OSBPL10: variants seen among roughly 807,000 people sequenced by gnomAD.
OSBPL10 encodes oxysterol binding protein like 10, also known as oxysterol-binding protein-related protein 10.
In OSBPL10, 49 loss-of-function variants were observed where a neutral mutation model predicts 81.7. The observed-to-expected ratio is 0.60, with a 90% CI of 0.48 to 0.76. The LOEUF (loss-of-function observed/expected upper bound fraction) is 0.76. OSBPL10 is among the 30% of genes least tolerant of loss of function. The pLI, the probability that OSBPL10 is intolerant of heterozygous loss-of-function variation, is 0.00. For missense variants in OSBPL10, 923 were observed against 987.8 expected (o/e 0.93, Z 0.88); for synonymous variants, 419 against 383.6 (o/e 1.09, Z -1.08).
intron 3 of OSBPL10, among the ~76,000 whole-genome samples, chr3:31,866,019 C>T (rs1701169697): frequency 6.6e-6 from 1 of 152,106 alleles, no homozygotes; most frequent in African/African-American, 2.4e-5. Flanking sequence ...TCTTGCTTCC[C>T]GTTGTGTTGC....
intron 3 of OSBPL10, among the ~76,000 whole-genome samples, chr3:31,860,245 C>T (rs1351951986): frequency 1.3e-5 from 2 of 152,190 alleles, no homozygotes; most frequent in Admixed American, 1.3e-4. Context: ...GCACAGTCAC[C>T]AGTCACCAGA....
chr3:31,891,374 T>C (rs1322899894), intron 1 of OSBPL10, among the ~76,000 whole-genome samples: 2 of 152,290 alleles, frequency 1.3e-5, no homozygotes, highest in East Asian at 3.9e-4. Flanking sequence ...ATGCTGCTGG[T>C]AGGACCACAC....
At chr3:31,664,988 C>A (rs980694168) in intron 10 of OSBPL10, among the ~76,000 whole-genome samples, 5 of 151,980 alleles carry the variant, frequency 3.3e-5, no homozygotes, top group African/African-American at 1.2e-4. Flanking sequence ...CCTGGCATGG[C>A]AGGAGGAAAC....
intron 4 of OSBPL10, among the ~76,000 whole-genome samples, chr3:31,766,351 T>G (rs1698199798): frequency 2.1e-5 from 2 of 94,088 alleles, no homozygotes; most frequent in African/African-American, 6.2e-5. Flanking sequence ...TTTTTTGTTT[T>G]TTTTTTGAGA....
At chr3:31,947,358 C>T (rs1472915885) in intron 1 of OSBPL10, among the ~76,000 whole-genome samples, 1 of 152,144 alleles carries the variant, frequency 6.6e-6, no homozygotes, top group Non-Finnish European at 1.5e-5. Context: ...ATTCCTCCAC[C>T]CAACTCAGCT....
At chr3:32,002,314 T>C (rs546034829) in intron 2 of OSBPL10, among the ~76,000 whole-genome samples, 2 of 152,146 alleles carry the variant, frequency 1.3e-5, no homozygotes, top group Non-Finnish European at 1.5e-5. Flanking sequence ...CATTGACACA[T>C]TGCAAAGAGA....
chr3:31,906,291 C>T (rs1454861953), intron 1 of OSBPL10, among the ~76,000 whole-genome samples: 10 of 152,158 alleles, frequency 6.6e-5, no homozygotes, highest in Admixed American at 4.6e-4. Flanking sequence ...CTGGGAAATC[C>T]TTTGGCCTCC....
chr3:32,013,694 C>G (rs1401551862), intron 2 of OSBPL10, among the ~76,000 whole-genome samples: 1 of 152,022 alleles, frequency 6.6e-6, no homozygotes, highest in Non-Finnish European at 1.5e-5. Context: ...TGATAGACTG[C>G]TAGCAAGACT....
intron 8 of OSBPL10, among the ~76,000 whole-genome samples, chr3:31,674,906 C>T (rs1025148983): frequency 6.6e-6 from 1 of 152,214 alleles, no homozygotes; most frequent in African/African-American, 2.4e-5. Context: ...ACGGCAGGCT[C>T]ATGTAAGGGT....
chr3:31,854,942 T>TA (rs1700871425), intron 3 of OSBPL10, among the ~76,000 whole-genome samples: 1 of 152,246 alleles, frequency 6.6e-6, no homozygotes, highest in African/African-American at 2.4e-5. Context: ...GTATTCCAAT[T>TA]AATTCCATGT....
chr3:31,796,613 C>G (rs1051251330), intron 4 of OSBPL10, among the ~76,000 whole-genome samples: 7 of 152,160 alleles, frequency 4.6e-5, no homozygotes, highest in African/African-American at 1.7e-4. Context: ...GGTCAGATAA[C>G]TTGGTGGTTG....
chr3:31,741,549 C>T (rs1252135411), intron 5 of OSBPL10, among the ~76,000 whole-genome samples: 1 of 152,226 alleles, frequency 6.6e-6, no homozygotes, highest in Non-Finnish European at 1.5e-5. Flanking sequence ...AGGCGTGAGC[C>T]ACTGTGCCCA....
chr3:31,661,725 T>C lies in OSBPL10; in HGVS notation c.*347A>G, dbSNP rs1700074796. On this transcript the variant is annotated 3_prime_UTR_variant, in exon 12 of 12. Transcript: ENST00000396556. ...AAAACATTTTTGGCAAAGTGAAAAA[T>C]AGAAAAACTTCAAACTTCATTGATA... 5.3e-6 allele frequency: 1 copy of C among 188,518 alleles called. No homozygotes were observed. The highest frequency in any genetic ancestry group is 1.3e-4 in the East Asian group (1 of 7,904). 11.7% of individuals were successfully genotyped at this position (188,518 alleles called of 1,614,324 possible).
chr3:31,710,259 A>C (rs1696207924), intron 6 of OSBPL10, among the ~76,000 whole-genome samples: 1 of 145,178 alleles, frequency 6.9e-6, no homozygotes. Flanking sequence ...AAGCGTGTAA[A>C]GCACTGAACA....
intron 1 of OSBPL10, among the ~76,000 whole-genome samples, chr3:32,060,562 C>G (rs7620756): frequency 0.78 from 55,194 of 70,392 alleles, 23,843 homozygotes; most frequent in South Asian, 0.95. Flanking sequence ...AATATCCCCA[C>G]TCTTCATCTC....
intron 4 of OSBPL10, 84 bp downstream of exon 4, chr3:31,829,956 G>A (rs1231099090): frequency 3.2e-5 from 43 of 1,346,158 alleles, no homozygotes; most frequent in South Asian, 7.5e-5. Context: ...TCAAGACGGC[G>A]CAAAGGAAGA....
At chr3:31,838,030 C>T (rs4414890) in intron 3 of OSBPL10, among the ~76,000 whole-genome samples, 79,397 of 151,864 alleles carry the variant, frequency 0.52, 21,304 homozygotes, top group East Asian at 0.75. Flanking sequence ...TATTCTAATA[C>T]GTAAATAGAA....
intron 4 of OSBPL10, chr3:31,822,025 T>C (rs1699992058): frequency 6.6e-6 from 1 of 152,240 alleles, no homozygotes; most frequent in East Asian, 1.9e-4. Flanking sequence ...TAAAGGGTCT[T>C]CCGTATGTGT....
At chr3:31,806,996 G>A (rs1403449964) in intron 4 of OSBPL10, among the ~76,000 whole-genome samples, 1 of 152,170 alleles carries the variant, frequency 6.6e-6, no homozygotes, top group Non-Finnish European at 1.5e-5. Flanking sequence ...GACAGCCCAG[G>A]CCACAGACAG....
Sources: allele counts gnomAD v4.1 joint callset (sites outside exome capture counted in the v4.1 genomes callset), GRCh38; gene constraint gnomAD v4.1.1; transcripts MANE v1.5; gene names NCBI Gene and HGNC (gene_info 2026-07-23, HGNC 2026-07-21).